BACH1: variants seen among roughly 807,000 people sequenced by gnomAD.
BACH1 encodes the protein BTB domain and CNC homolog 1.
A neutral mutation model predicts 52.9 loss-of-function variants in BACH1; 35 were observed. The ratio of observed to expected loss-of-function variants is 0.66; its 90% confidence interval spans 0.51 to 0.88. BACH1 has a LOEUF of 0.88. Ranked by LOEUF, BACH1 falls within the 40% of genes least tolerant of loss-of-function variation. BACH1 has a pLI of 0.00. For synonymous variants in BACH1, 321 were observed against 319.6 expected, an observed-to-expected ratio of 1.00 and a Z score of -0.05; for missense variants, 808 against 872.6, an observed-to-expected ratio of 0.93 and a Z score of 0.93.
chr21:29,323,448 G>C (rs1210869536), intron 2 of BACH1, among the ~76,000 whole-genome samples: 1 of 152,184 alleles, frequency 6.6e-6, no homozygotes. Context: ...AAAGAACCTG[G>C]CGTCTGATGT....
chr21:29,321,211 G>A lies in BACH1; in HGVS notation c.-60-10G>A, dbSNP rs1295178056. 7.8e-7 allele frequency: 1 copy of A among 1,275,648 alleles called. No individual in the cohort carries two copies. The highest frequency in any genetic ancestry group is 1.2e-5 in the South Asian group (1 of 81,220). 79.0% of individuals were successfully genotyped at this position (1,275,648 alleles called of 1,614,324 possible). ...GTTATTTAAGTGAAATCTTGCATGT[G>A]TGTTTGCAGGTTGATGATAATTAGA... On this transcript the variant is annotated splice_polypyrimidine_tract_variant and intron_variant, in intron 1 of 4. Coordinates refer to ENST00000286800, the MANE Select transcript of BACH1 (RefSeq NM_001186.4).
rs1458053280 is a variant in BACH1 at position 29,344,393 on chromosome 21, G to A, written c.*1560G>A. 6.6e-6 allele frequency: 1 copy of A among 152,662 alleles called. No individual in the cohort carries two copies. The highest frequency in any genetic ancestry group is 2.4e-5 in the African/African-American group (1 of 41,466). 9.5% of individuals were successfully genotyped at this position (152,662 alleles called of 1,614,324 possible). ...AAGCAAGTTGGCCTTGCCCTTGAGA[G>A]TATATGGGGACCAGTCTTCATGTCT... On this transcript the variant is annotated 3_prime_UTR_variant, in exon 5 of 5. Coordinates refer to ENST00000286800, the MANE Select transcript of BACH1 (RefSeq NM_001186.4).
At chr21:29,338,868 A>C (rs2089076886) in intron 4 of BACH1, among the ~76,000 whole-genome samples, 1 of 152,100 alleles carries the variant, frequency 6.6e-6, no homozygotes, top group Non-Finnish European at 1.5e-5. Flanking sequence ...AAATGTGTTA[A>C]CATTTTATGT....
At chr21:29,358,712 C>T (rs1425727227) in intron 2 of BACH1, among the ~76,000 whole-genome samples, 1 of 147,780 alleles carries the variant, frequency 6.8e-6, no homozygotes, top group Non-Finnish European at 1.5e-5. Context: ...TGCATTCCAG[C>T]CTGGGTGACA....
rs1216241856 is a variant in BACH1 at position 29,326,678 on chromosome 21, C to T, written c.854C>T (p.Ala285Val). The T allele has an allele frequency of 1.9e-6, 3 of 1,614,174 alleles. No individual in the cohort carries two copies. The highest frequency in any genetic ancestry group is 2.5e-6 in the Non-Finnish European group (3 of 1,180,034). ...VMLKCDESKL[A>V]MEPEETKKDP... ...TTAAAATGTGACGAAAGTAAATTAG[C>T]AATGGAACCTGAAGAAACGAAGAAA... The change falls in exon 3 of 5, where the codon GCA becomes GTA. Residue 285 changes from alanine to valine, a missense_variant. Transcript: ENST00000286800.
rs1322576331 is a variant in BACH1, at chr21:29,321,501, C to T, written c.221C>T (p.Thr74Ile). Residue 74 changes from threonine to isoleucine, a missense_variant, in exon 2 of 5, where the codon ACT becomes ATT. By Grantham distance (89) the Thr-to-Ile change is moderately conservative. Transcript: ENST00000286800. ...CAGGCTGATGGAGAGCTGAACATTACTCTTCCAGAAGAGGTGAGAGATCCA... is the reference window on the plus strand; with the variant it reads ...CAGGCTGATGGAGAGCTGAACATTATTCTTCCAGAAGAGGTGAGAGATCCA... ...VGQADGELNI[T>I]LPEEVTVKGF... 3.1e-6 allele frequency: 5 copies of T among 1,613,914 alleles called. No homozygotes were observed. Among genetic ancestry groups the T allele is most frequent in the Admixed American group, 1.7e-5 (1 of 60,010 alleles).
chr21:29,306,098 A>G (rs1193591837), intron 1 of BACH1, among the ~76,000 whole-genome samples: 1 of 151,922 alleles, frequency 6.6e-6, no homozygotes, highest in African/African-American at 2.4e-5. Flanking sequence ...TATCAACTCA[A>G]TTTGAGAAGC....
In BACH1 at chr21:29,326,939, A is replaced by C. The variant is rs752595141; in HGVS notation, c.1115A>C (p.Asp372Ala). The change falls in exon 3 of 5, where the codon GAC (aspartate) becomes GCC (alanine). Residue 372 changes from aspartate to alanine, a missense_variant. Asp to Ala is a moderately radical substitution (Grantham distance 126). Coordinates refer to ENST00000286800, the MANE Select transcript of BACH1 (RefSeq NM_001186.4). ...AGTCAGGATTTACCTTTGAAATCCGACTTGGGCACCAGGGAAGATAGTAGT... is the reference window on the plus strand; with the variant it reads ...AGTCAGGATTTACCTTTGAAATCCGCCTTGGGCACCAGGGAAGATAGTAGT... ...GESQDLPLKS[D>A]LGTREDSSVA... 1.7e-5 allele frequency: 27 copies of C among 1,614,112 alleles called. No individual in the cohort carries two copies. The highest frequency in any genetic ancestry group is 2.2e-5 in the Non-Finnish European group (26 of 1,180,058).
intron 2 of BACH1, among the ~76,000 whole-genome samples, chr21:29,324,210 T>A (rs1167645868): frequency 7.5e-6 from 1 of 133,630 alleles, no homozygotes; most frequent in Admixed American, 8.7e-5. Flanking sequence ...CTAGCCTGGG[T>A]GACAGAGAGA....
Position 29,326,401 on chromosome 21 carries a change from G to A in BACH1, c.577G>A (p.Ala193Thr), listed in dbSNP as rs1459001181. 1.2e-6 allele frequency: 2 copies of A among 1,614,156 alleles called. No homozygotes were observed. The highest frequency in any genetic ancestry group is 1.7e-6 in the Non-Finnish European group (2 of 1,180,014). Residue 193 changes from alanine to threonine, a missense_variant, in exon 3 of 5, where the codon GCA becomes ACA. Ala to Thr is a moderately conservative substitution (Grantham distance 58). Transcript: ENST00000286800. ...QCKLRRYQGN[A>T]KASPPLQDSA... ...TAAACTCCGCAGGTATCAAGGAAAT[G>A]CAAAAGCCTCACCTCCTCTACAAGA...
At chr21:29,301,502 C>A (rs542922350) in intron 1 of BACH1, among the ~76,000 whole-genome samples, 3 of 152,012 alleles carry the variant, frequency 2.0e-5, no homozygotes, top group Non-Finnish European at 4.4e-5. Flanking sequence ...ATAGGTAGTT[C>A]TATTGTCTGT....
rs528180617 is a variant in BACH1 at position 29,332,896 on chromosome 21, T to C, written c.1776+3203T>C. ...CTGGGCAGGCACAGCAGACATCTGA[T>C]AGTGTCTCCTGCACCTAGATAGGCG... On this transcript the variant is annotated intron_variant, in intron 4 of 4. Coordinates refer to ENST00000286800, the MANE Select transcript of BACH1 (RefSeq NM_001186.4). Among the ~76,000 whole-genome samples, 21 of 152,328 alleles carry C rather than the reference T, an allele frequency of 1.4e-4. No individual in the cohort carries two copies. The South Asian group carries it at 4.3e-3, about 32-fold the overall frequency.
chr21:29,339,637 T>TG (rs974757052), intron 4 of BACH1, among the ~76,000 whole-genome samples: 6 of 147,348 alleles, frequency 4.1e-5, no homozygotes, highest in African/African-American at 1.5e-4. Context: ...AGGTTTTTTT[T>TG]TTTTTTTTTT....
chr21:29,338,920 T>C (rs1215638409), intron 4 of BACH1, among the ~76,000 whole-genome samples: 1 of 152,204 alleles, frequency 6.6e-6, no homozygotes, highest in Non-Finnish European at 1.5e-5. Flanking sequence ...GTATTTTATA[T>C]ACATTTTTCT....
chr21:29,303,294 T>C (rs550356911), intron 1 of BACH1, among the ~76,000 whole-genome samples: 1 of 152,340 alleles, frequency 6.6e-6, no homozygotes, highest in African/African-American at 2.4e-5. Context: ...TCAGAAAGGT[T>C]GTGTTATTTT....
At chr21:29,303,074 G>T (rs977124301) in intron 1 of BACH1, among the ~76,000 whole-genome samples, 15 of 152,164 alleles carry the variant, frequency 9.9e-5, no homozygotes, top group African/African-American at 3.1e-4. Flanking sequence ...GTTAATACCA[G>T]AACAGAACTA....
In BACH1 at chr21:29,343,577, C is replaced by T. The variant is rs2089139254; in HGVS notation, c.*744C>T. ...CAGTCTCTACCATATCTGGTCCCAT[C>T]ATGGACTTCCTATTTCCTGGCATTT... On this transcript the variant is annotated 3_prime_UTR_variant, in exon 5 of 5. Coordinates refer to ENST00000286800, the MANE Select transcript of BACH1 (RefSeq NM_001186.4). 6.6e-6 allele frequency: 1 copy of T among 152,220 alleles called. No homozygotes were observed. The highest frequency in any genetic ancestry group is 1.5e-5 in the Non-Finnish European group (1 of 68,050). 9.4% of individuals were successfully genotyped at this position (152,220 alleles called of 1,614,324 possible). A position where few individuals can be genotyped will look rare whatever the true frequency, so the allele number is the denominator to read the frequency against.
chr21:29,359,789 C>CT (rs1303856874), intron 2 of BACH1, among the ~76,000 whole-genome samples: 2 of 152,138 alleles, frequency 1.3e-5, no homozygotes, highest in African/African-American at 4.8e-5. Context: ...GATCTTTACC[C>CT]TAAAACAGTT....
intron 1 of BACH1, among the ~76,000 whole-genome samples, chr21:29,319,716 G>A (rs559685841): frequency 2.7e-5 from 4 of 147,908 alleles, no homozygotes; most frequent in African/African-American, 1.0e-4. Flanking sequence ...AGAATAAGGA[G>A]GCTGGGAGCG....
Sources: allele counts gnomAD v4.1 joint callset (sites outside exome capture counted in the v4.1 genomes callset), GRCh38; gene constraint gnomAD v4.1.1; transcripts MANE v1.5; gene names NCBI Gene and HGNC (gene_info 2026-07-23, HGNC 2026-07-21).